ADGB: variants seen among roughly 807,000 people sequenced by gnomAD.
The protein encoded by ADGB is calpain-7-like protein.
Under a neutral mutation model 210.5 loss-of-function variants are expected in ADGB, and 172 were observed. That is an observed-to-expected ratio of 0.82 (90% confidence interval 0.72 to 0.93). The LOEUF is 0.93. Among genes scored for constraint, ADGB ranks in the 40% least tolerant of loss-of-function variants. The pLI is 0.00. For synonymous variants in ADGB, 658 were observed against 662.7 expected (o/e 0.99, Z 0.11); for missense variants, 2,025 against 1,964.8 (o/e 1.03, Z -0.58).
intron 9 of ADGB, among the ~76,000 whole-genome samples, chr6:146,685,312 C>A (rs1438203341): frequency 1.3e-5 from 2 of 151,884 alleles, no homozygotes; most frequent in African/African-American, 4.8e-5. Context: ...TTTGAAATGA[C>A]AAAATGACAT....
chr6:146,697,293 C>T (rs1304988098), intron 12 of ADGB, among the ~76,000 whole-genome samples: 3 of 151,966 alleles, frequency 2.0e-5, no homozygotes, highest in Admixed American at 6.6e-5. Flanking sequence ...TGATGGTTGC[C>T]GTTAAAATTG....
intron 11 of ADGB, among the ~76,000 whole-genome samples, 190 bp downstream of exon 11, chr6:146,691,480 A>G (rs1776323398): frequency 2.4e-4 from 3 of 12,280 alleles, no homozygotes. Context: ...ATATATAAAT[A>G]TATATATATA....
At position 146,803,187 on chromosome 6, in the gene ADGB, C is replaced by T. The variant is rs111430449; in HGVS notation, c.4818+1176C>T. 0.011 allele frequency: 15,885 copies of T among 1,500,438 alleles called. 1,388 individuals are homozygous for T. The African/African-American group carries it at 0.19, about 18-fold the overall frequency. 92.9% of individuals were successfully genotyped at this position (1,500,438 alleles called of 1,614,324 possible). On this transcript the variant is annotated intron_variant, in intron 35 of 35. Transcript: ENST00000397944. ...AGCTACAAGTTCACTTATACTTCTC[C>T]TTCTCCAGAAACTTAAAGCTACATT...
chr6:146,672,220 C>T lies in ADGB; in HGVS notation c.840C>T (p.His280=). The change falls in exon 8 of 36, where the codon CAC becomes CAT. Residue 280 remains histidine, a splice_region_variant and synonymous_variant. Transcript: ENST00000397944. ...TGWLPEVISL[H]PGYMDKVWEL... is the part of the protein sequence containing the mutation. ...TTAATGTTTTTGTCTTTTCTCTTAG[C>T]CCGGGATATATGGACAAAGTTTGGG... is the stretch of plus-strand genomic sequence containing the variant. 6.7e-7 allele frequency: 1 copy of T among 1,487,242 alleles called. No homozygotes were observed. The highest frequency in any genetic ancestry group is 9.0e-7 in the Non-Finnish European group (1 of 1,116,402). 92.1% of individuals were successfully genotyped at this position (1,487,242 alleles called of 1,614,324 possible). A position where few individuals can be genotyped will look rare whatever the true frequency, so the allele number is the denominator to read the frequency against.
At chr6:146,611,463 T>C (rs958708686) in intron 1 of ADGB, among the ~76,000 whole-genome samples, 2 of 152,080 alleles carry the variant, frequency 1.3e-5, no homozygotes, top group Non-Finnish European at 2.9e-5. Context: ...TCTAAGAAGC[T>C]CTCCATGCCA....
chr6:146,615,158 G>T (rs548965508), intron 1 of ADGB, among the ~76,000 whole-genome samples: 1 of 151,674 alleles, frequency 6.6e-6, no homozygotes, highest in South Asian at 2.1e-4. Context: ...CCCCTGCCTT[G>T]GCCTCCCAAA....
At chr6:146,656,036 A>C (rs1218779230) in intron 4 of ADGB, among the ~76,000 whole-genome samples, 2 of 151,824 alleles carry the variant, frequency 1.3e-5, no homozygotes, top group East Asian at 1.9e-4. Context: ...AGTCCTCACA[A>C]AAAAAAATGT....
chr6:146,658,316 A>T (rs543374903), intron 5 of ADGB, among the ~76,000 whole-genome samples: 2 of 152,124 alleles, frequency 1.3e-5, no homozygotes, highest in Non-Finnish European at 2.9e-5. Flanking sequence ...AATCAAGAGG[A>T]CTATTATCTA....
intron 13 of ADGB, among the ~76,000 whole-genome samples, chr6:146,709,415 C>T (rs1283026459): frequency 1.3e-5 from 2 of 152,186 alleles, no homozygotes; most frequent in Non-Finnish European, 2.9e-5. Context: ...TGGCAGGTTG[C>T]CCACAGGCAG....
At chr6:146,708,663 T>C (rs1055015465) in intron 13 of ADGB, among the ~76,000 whole-genome samples, 20 of 152,156 alleles carry the variant, frequency 1.3e-4, no homozygotes. Context: ...GACAGTTTGA[T>C]TACAGTATGT....
intron 14 of ADGB, among the ~76,000 whole-genome samples, chr6:146,716,461 C>T (rs1327525680): frequency 2.1e-5 from 3 of 141,650 alleles, no homozygotes; most frequent in African/African-American, 3.1e-5. Context: ...GGCGCGGTGG[C>T]GGGCGCCTGT....
chr6:146,621,771 G>T (rs1179351393), intron 1 of ADGB, among the ~76,000 whole-genome samples: 1 of 152,056 alleles, frequency 6.6e-6, no homozygotes, highest in Non-Finnish European at 1.5e-5. Context: ...ACTGTCCATT[G>T]AATGGATATT....
chr6:146,793,524 G>A (rs948876025), intron 33 of ADGB, among the ~76,000 whole-genome samples: 2 of 152,136 alleles, frequency 1.3e-5, no homozygotes, highest in South Asian at 2.1e-4. Context: ...CGGTCCAGGG[G>A]TCCTCAGTAG....
At position 146,691,442 on chromosome 6, in the gene ADGB, A is replaced by ATATAT. The variant is rs1491360806; in HGVS notation, c.1486+152_1486+153insTATAT. ...TATATATATATATATATATATATAT[A>ATATAT]AAAATATATATATATAAAAATATAT... On this transcript the variant is annotated intron_variant, in intron 11 of 35. Transcript: ENST00000397944. Among the ~76,000 whole-genome samples, 30 of 54,964 alleles carry ATATAT rather than the reference A, an allele frequency of 5.5e-4. 1 individual carries two copies. The highest frequency in any genetic ancestry group is 4.8e-3 in the African/African-American group (27 of 5,568). The allele number at this position is 54,964 out of a possible 152,430, so 36.1% of individuals were successfully genotyped here.
chr6:146,786,188 T>C (rs1324653420), intron 32 of ADGB, among the ~76,000 whole-genome samples: 1 of 147,808 alleles, frequency 6.8e-6, no homozygotes, highest in East Asian at 1.9e-4. Flanking sequence ...TTTAAGTATA[T>C]ATTATATTAT....
chr6:146,626,784 A>G (rs1780979118), intron 1 of ADGB, among the ~76,000 whole-genome samples: 2 of 151,168 alleles, frequency 1.3e-5, no homozygotes, highest in African/African-American at 4.9e-5. Flanking sequence ...TTTTATTGAA[A>G]TTCTTAACTC....
chr6:146,763,991 C>T lies in ADGB; in HGVS notation c.3641C>T (p.Ser1214Phe). The change falls in exon 28 of 36, where the codon TCC becomes TTC. Residue 1214 changes from serine (S) to phenylalanine (F), a missense_variant. Coordinates refer to ENST00000397944, the MANE Select transcript of ADGB (RefSeq NM_024694.4). Reference protein sequence around the residue: ...KKKAAQGIQKSPKGRAVSAIQ... With the variant: ...KKKAAQGIQKFPKGRAVSAIQ... ...AAAGCTGCTCAGGGAATTCAGAAAT[C>T]CCCCAAGGGTAGAGCTGTAAGTGCA... is the stretch of plus-strand genomic sequence containing the variant. The T allele has an allele frequency of 3.9e-6, 6 of 1,551,448 alleles. No individual in the cohort carries two copies. Among genetic ancestry groups the T allele is most frequent in the Non-Finnish European group, 5.2e-6 (6 of 1,146,842 alleles).
Position 146,733,208 on chromosome 6 carries a change from T to C in ADGB, c.2609T>C (p.Val870Ala). ...PNFKFAFRAM[V>A]LDLELLNSSL... ...TTCAAATTTGCATTCCGGGCTATGG[T>C]TTTGGACTTGGAGTTACTCAATTCC... Residue 870 changes from valine to alanine, a missense_variant, in exon 21 of 36, where the codon GTT becomes GCT. Transcript: ENST00000397944. 1.9e-6 allele frequency: 3 copies of C among 1,542,590 alleles called. No homozygotes were observed. The highest frequency in any genetic ancestry group is 2.6e-6 in the Non-Finnish European group (3 of 1,141,866).
At chr6:146,737,597 A>G (rs1437406477) in intron 23 of ADGB, among the ~76,000 whole-genome samples, 1 of 152,198 alleles carries the variant, frequency 6.6e-6, no homozygotes, top group East Asian at 1.9e-4. Context: ...CCCATTTCCT[A>G]AAAGGGCTAC....
Sources: gnomAD v4.1 joint callset for allele counts (sites outside exome capture counted in the v4.1 genomes callset) on GRCh38, gnomAD v4.1.1 for gene constraint, MANE v1.5 for transcripts, NCBI Gene and HGNC (gene_info 2026-07-23, HGNC 2026-07-21) for gene names.